The following NBEA variants were observed in gnomAD, a reference collection of about 807,000 sequenced individuals.
NBEA encodes the protein neurobeachin, also known as lysosomal-trafficking regulator 2.
In NBEA, 44 loss-of-function variants were observed where a neutral mutation model predicts 343.4. That is an observed-to-expected ratio of 0.13 (90% CI 0.10 to 0.16). The LOEUF is 0.16. Among genes scored for constraint, NBEA ranks in the 10% least tolerant of loss-of-function variants. The pLI is 1.00. For synonymous variants in NBEA, 1,175 were observed against 1,238.7 expected (o/e 0.95, Z 1.08); for missense variants, 2,555 against 3,631.3 (o/e 0.70, Z 7.62).
intron 41 of NBEA, among the ~76,000 whole-genome samples, chr13:35,497,324 T>C (rs1594809101): frequency 6.6e-6 from 1 of 152,132 alleles, no homozygotes; most frequent in South Asian, 2.1e-4. Context: ...TTTATATTTA[T>C]CTGCATTAAA....
At chr13:35,370,324 G>A (rs2041357235) in intron 38 of NBEA, among the ~76,000 whole-genome samples, 1 of 151,836 alleles carries the variant, frequency 6.6e-6, no homozygotes, top group Non-Finnish European at 1.5e-5. Context: ...TTGACTTAAA[G>A]TCTGTTTTAT....
rs1439150564 is a variant in NBEA, at chr13:35,555,081, A to T, written c.6901A>T (p.Met2301Leu). The T allele has an allele frequency of 3.1e-6, 5 of 1,595,710 alleles. No homozygotes were observed. Among genetic ancestry groups the T allele is most frequent in the African/African-American group, 1.3e-5 (1 of 74,642 alleles). The change falls in exon 44 of 59, where the codon ATG (methionine) becomes TTG (leucine). Residue 2301 changes from methionine (M) to leucine (L), a missense_variant. By Grantham distance (15) the Met-to-Leu change is conservative. This residue lies in a region of NBEA where 38 missense variants were observed against 97.2 expected (regional missense o/e 0.39). Transcript: ENST00000379939. ...RREISNFEYL[M>L]FLNTIAGRTY... Reference sequence around the variant, plus strand: ...GGAAATTTCAAACTTCGAATATTTGATGTTCCTTAATACTATTGCAGGTAA... The same window carrying T: ...GGAAATTTCAAACTTCGAATATTTGTTGTTCCTTAATACTATTGCAGGTAA...
At chr13:35,433,836 A>G (rs1040446007) in intron 39 of NBEA, among the ~76,000 whole-genome samples, 2 of 152,078 alleles carry the variant, frequency 1.3e-5, no homozygotes, top group African/African-American at 4.8e-5. Context: ...ATATCTGCCT[A>G]CCTAGTAGTG....
chr13:35,308,438 C>CTATATA (rs5802761), intron 35 of NBEA, among the ~76,000 whole-genome samples: 28 of 88,962 alleles, frequency 3.1e-4, no homozygotes, highest in East Asian at 1.8e-3. Flanking sequence ...CTGCTATTTA[C>CTATATA]TATATATATA....
intron 58 of NBEA, among the ~76,000 whole-genome samples, chr13:35,670,257 ACAGCTGAT>A (rs2085547699): frequency 6.6e-6 from 1 of 152,162 alleles, no homozygotes; most frequent in African/African-American, 2.4e-5. Flanking sequence ...TCAGAGCTGA[ACAGCTGAT>A]CAGTTAGGAG....
At chr13:35,043,280 A>T (rs990890654) in intron 2 of NBEA, among the ~76,000 whole-genome samples, 1 of 151,868 alleles carries the variant, frequency 6.6e-6, no homozygotes, top group African/African-American at 2.4e-5. Flanking sequence ...TTAAATACAA[A>T]TTTAATAGAT....
chr13:35,649,053 C>T (rs1048566208), intron 51 of NBEA, among the ~76,000 whole-genome samples: 20 of 152,210 alleles, frequency 1.3e-4, no homozygotes, highest in Middle Eastern at 6.8e-3. Flanking sequence ...GAAGAAAAAG[C>T]ATTGGCCCTC....
At chr13:35,581,291 C>G in intron 45 of NBEA, among the ~76,000 whole-genome samples, 1 of 151,856 alleles carries the variant, frequency 6.6e-6, no homozygotes, top group East Asian at 1.9e-4. Flanking sequence ...CTGTTGTTTC[C>G]TGACTTTTTA....
In NBEA at chr13:35,232,633, AT is replaced by A; in HGVS notation, c.5776+16del. The A allele has an allele frequency of 6.9e-7, 1 of 1,452,376 alleles. No homozygotes were observed. Among genetic ancestry groups the A allele is most frequent in the Non-Finnish European group, 9.2e-7 (1 of 1,087,000 alleles). The allele number at this position is 1,452,376 out of a possible 1,614,324, so 90.0% of individuals were successfully genotyped here. On this transcript the variant is annotated intron_variant, in intron 34 of 58. Coordinates refer to ENST00000379939, the MANE Select transcript of NBEA (RefSeq NM_001385012.1). ...TATTGATAGAAGGTATGATTTCTCT[AT>A]TATAATTATTTTAGTTTCCTATAAT...
chr13:35,166,952 G>A (rs759581943), intron 24 of NBEA, among the ~76,000 whole-genome samples: 1 of 152,054 alleles, frequency 6.6e-6, no homozygotes, highest in Non-Finnish European at 1.5e-5. Context: ...ACATTGTCTT[G>A]TAGGTGCTTT....
chr13:35,572,323 T>G (rs67374407), intron 45 of NBEA, among the ~76,000 whole-genome samples: 1 of 152,040 alleles, frequency 6.6e-6, no homozygotes, highest in African/African-American at 2.4e-5. Flanking sequence ...AAAGTGTAAA[T>G]AGAATTTTCC....
intron 48 of NBEA, among the ~76,000 whole-genome samples, chr13:35,607,837 T>C (rs954209218): frequency 6.6e-6 from 1 of 152,106 alleles, no homozygotes; most frequent in Non-Finnish European, 1.5e-5. Flanking sequence ...TTTTATCACC[T>C]CATAGAGAAC....
At chr13:35,293,046 C>G (rs545642964) in intron 35 of NBEA, among the ~76,000 whole-genome samples, 48 of 151,922 alleles carry the variant, frequency 3.2e-4, no homozygotes, top group Admixed American at 5.9e-4. Context: ...CTGTTAGCAA[C>G]TACATATTAT....
chr13:35,057,398 G>T (rs1376570934), intron 7 of NBEA, among the ~76,000 whole-genome samples: 1 of 152,018 alleles, frequency 6.6e-6, no homozygotes, highest in Non-Finnish European at 1.5e-5. Flanking sequence ...GTAAGCTGGG[G>T]GCTAAGAATC....
At chr13:35,606,325 AT>A (rs2082278761) in intron 47 of NBEA, 100 bp from the exon 48 acceptor site, 3 of 591,022 alleles carry the variant, frequency 5.1e-6, no homozygotes. Context: ...GTTTTAAGAA[AT>A]TATTTTATTC....
intron 45 of NBEA, 55 bp from the exon 46 acceptor site, chr13:35,583,843 A>G (rs1034330037): frequency 7.8e-7 from 1 of 1,282,856 alleles, no homozygotes; most frequent in Admixed American, 2.1e-5. Context: ...AAGATTTATT[A>G]TCTAGGATAT....
intron 8 of NBEA, among the ~76,000 whole-genome samples, chr13:35,067,645 T>C (rs73483914): frequency 0.06 from 9,123 of 152,192 alleles, 575 homozygotes; most frequent in African/African-American, 0.15. Flanking sequence ...ATTTATATAA[T>C]AATTCTTCCT....
intron 47 of NBEA, among the ~76,000 whole-genome samples, chr13:35,600,000 T>G (rs1381449232): frequency 1.3e-5 from 2 of 152,184 alleles, no homozygotes; most frequent in African/African-American, 4.8e-5. Context: ...TGATTAAGTG[T>G]AAAGTTTGTT....
chr13:35,485,207 T>G (rs2076265944), intron 41 of NBEA, among the ~76,000 whole-genome samples: 1 of 152,134 alleles, frequency 6.6e-6, no homozygotes, highest in South Asian at 2.1e-4. Flanking sequence ...GGTGCTATAT[T>G]GGATGTGTAC....
Sources: allele counts gnomAD v4.1 joint callset (sites outside exome capture counted in the v4.1 genomes callset), GRCh38; gene constraint gnomAD v4.1.1; regional missense constraint gnomAD v4.1.1; transcripts MANE v1.5; gene names NCBI Gene and HGNC (gene_info 2026-07-23, HGNC 2026-07-21).